Variants in PIK3C2A observed in about 807,000 individuals in gnomAD.
PIK3C2A encodes phosphatidylinositol 4-phosphate 3-kinase C2 domain-containing subunit alpha.
Under a neutral mutation model 204.5 loss-of-function variants are expected in PIK3C2A, and 97 were observed. The observed-to-expected ratio is 0.47, with a 90% CI of 0.40 to 0.56. PIK3C2A has a LOEUF of 0.56. Among genes scored for constraint, PIK3C2A ranks in the 20% least tolerant of loss-of-function variants. The pLI is 0.00. For synonymous variants in PIK3C2A, 653 were observed against 664.4 expected, an observed-to-expected ratio of 0.98 and a Z score of 0.26; for missense variants, 1,735 against 1,969.2, an observed-to-expected ratio of 0.88 and a Z score of 2.25.
chr11:17,190,938 C>G (rs1028289883), intron 1 of PIK3C2A, among the ~76,000 whole-genome samples: 1 of 151,982 alleles, frequency 6.6e-6, no homozygotes, highest in Non-Finnish European at 1.5e-5. Flanking sequence ...AGGAAATGGC[C>G]AGAACTTTCC....
intron 5 of PIK3C2A, among the ~76,000 whole-genome samples, chr11:17,147,913 A>G (rs917664450): frequency 5.9e-5 from 9 of 152,150 alleles, no homozygotes; most frequent in African/African-American, 1.7e-4. Context: ...ACTGGACTAA[A>G]TGCTAGATAT....
intron 2 of PIK3C2A, among the ~76,000 whole-genome samples, chr11:17,160,985 C>T (rs1182595495): frequency 6.6e-6 from 1 of 152,068 alleles, no homozygotes; most frequent in African/African-American, 2.4e-5. Flanking sequence ...GAGCAGTTCA[C>T]ACATGGATGG....
rs566182310 is a variant in PIK3C2A, at chr11:17,137,198, C to T, written c.1705-573G>A. On this transcript the variant is annotated intron_variant, in intron 8 of 32. Transcript: ENST00000691414. ...CCCCTTAAAAATTTAAATTTTTCCA[C>T]CCTTGAGGCTTGGCTACTATAAACC... Among the ~76,000 whole-genome samples the T allele has an allele frequency of 8.2e-3, 1,254 of 152,216 alleles. 15 individuals carry two copies. The highest frequency in any genetic ancestry group is 0.014 in the Middle Eastern group (4 of 294).
At chr11:17,091,257 T>C (rs1476176529) in intron 32 of PIK3C2A, 77 bp downstream of exon 32, 1 of 1,313,200 alleles carries the variant, frequency 7.6e-7, no homozygotes, top group Non-Finnish European at 1.1e-6. Flanking sequence ...ACATCCTGCT[T>C]ACGCACGTCA....
intron 27 of PIK3C2A, 26 bp downstream of exon 27, chr11:17,097,031 T>C (rs1291363072): frequency 7.6e-7 from 1 of 1,310,054 alleles, no homozygotes; most frequent in South Asian, 1.2e-5. Context: ...TGCATGATTG[T>C]TTATGAATAT....
intron 2 of PIK3C2A, among the ~76,000 whole-genome samples, chr11:17,163,079 G>A (rs138261917): frequency 6.6e-6 from 1 of 152,278 alleles, no homozygotes; most frequent in African/African-American, 2.4e-5. Flanking sequence ...ACTGAGGCGG[G>A]TGGATCACTT....
chr11:17,177,979 G>A (rs1348946257), intron 1 of PIK3C2A, among the ~76,000 whole-genome samples: 1 of 150,436 alleles, frequency 6.6e-6, no homozygotes, highest in Non-Finnish European at 1.5e-5. Flanking sequence ...TGTAATCTCA[G>A]CTACTCCCAA....
intron 8 of PIK3C2A, among the ~76,000 whole-genome samples, chr11:17,140,081 C>T (rs1850010880): frequency 6.6e-6 from 1 of 152,094 alleles, no homozygotes; most frequent in Admixed American, 6.6e-5. Flanking sequence ...AATTAACATC[C>T]TATCTTCAGA....
chr11:17,129,510 T>A, intron 12 of PIK3C2A, 43 bp from the exon 13 acceptor site: 1 of 1,297,010 alleles, frequency 7.7e-7, no homozygotes, highest in Non-Finnish European at 1.1e-6. Context: ...TTAGATTGAA[T>A]GATTTTGAAA....
chr11:17,176,856 T>C (rs1851355553), intron 1 of PIK3C2A, among the ~76,000 whole-genome samples: 1 of 152,142 alleles, frequency 6.6e-6, no homozygotes, highest in African/African-American at 2.4e-5. Flanking sequence ...AAGTATCTGA[T>C]AAAACTGCAG....
Position 17,091,986 on chromosome 11 carries a change from A to T in PIK3C2A, c.4642+10T>A. The T allele has an allele frequency of 6.3e-7, 1 of 1,574,946 alleles. No homozygotes were observed. The highest frequency in any genetic ancestry group is 1.1e-5 in the South Asian group (1 of 90,234). The stretch of plus-strand genomic sequence containing the variant: ...TGAGTTACCAATAAAGAGAAAAAAA[A>T]TAATCTCACCTGCAGACCTAGCTAT... On this transcript the variant is annotated intron_variant, in intron 30 of 32. Transcript: ENST00000691414.
chr11:17,168,647 G>A (rs1851052886), intron 2 of PIK3C2A, 30 bp downstream of exon 2: 1 of 1,331,212 alleles, frequency 7.5e-7, no homozygotes, highest in Non-Finnish European at 1.0e-6. Flanking sequence ...GTTATACTAA[G>A]TTTGAGAAGT....
At chr11:17,159,411 C>G (rs1850706641) in intron 2 of PIK3C2A, among the ~76,000 whole-genome samples, 1 of 152,202 alleles carries the variant, frequency 6.6e-6, no homozygotes, top group Non-Finnish European at 1.5e-5. Flanking sequence ...GGGGAAGATA[C>G]AAAGTTCTCT....
intron 1 of PIK3C2A, among the ~76,000 whole-genome samples, chr11:17,181,325 C>T (rs1468640405): frequency 6.9e-6 from 1 of 145,510 alleles, no homozygotes; most frequent in African/African-American, 2.6e-5. Flanking sequence ...TATCTAAGAG[C>T]CCCCAGTCAC....
chr11:17,138,726 C>T (rs1351971647), intron 8 of PIK3C2A, among the ~76,000 whole-genome samples: 4 of 152,082 alleles, frequency 2.6e-5, no homozygotes, highest in Non-Finnish European at 5.9e-5. Flanking sequence ...GCCATTAAAA[C>T]GTGAACACAG....
At chr11:17,115,372 G>GAAAAAAAAAAAAAAAAAAAAAAAAAAAA (rs58726258) in intron 19 of PIK3C2A, among the ~76,000 whole-genome samples, 1 of 84,646 alleles carries the variant, frequency 1.2e-5, no homozygotes, top group Non-Finnish European at 2.3e-5. Flanking sequence ...GTCCCTACAA[G>GAAAAAAAAAAAAAAAAAAAAAAAAAAAA]AAAAAAAAAA....
At chr11:17,170,279 T>C (rs1851115152) in intron 1 of PIK3C2A, among the ~76,000 whole-genome samples, 1 of 152,180 alleles carries the variant, frequency 6.6e-6, no homozygotes, top group African/African-American at 2.4e-5. Flanking sequence ...AAACATCCAA[T>C]ACCTAGTCAA....
intron 27 of PIK3C2A, among the ~76,000 whole-genome samples, chr11:17,096,228 G>A (rs1309959975): frequency 1.3e-5 from 2 of 149,418 alleles, no homozygotes; most frequent in African/African-American, 5.0e-5. Context: ...TATTAGAGAC[G>A]GGGTTTCACC....
intron 1 of PIK3C2A, among the ~76,000 whole-genome samples, chr11:17,178,114 A>AAAAAAAAAAAAAAAAAAG (rs1565294473): frequency 2.7e-5 from 2 of 73,236 alleles, no homozygotes; most frequent in Non-Finnish European, 5.9e-5. Flanking sequence ...AAAAAAAAAG[A>AAAAAAAAAAAAAAAAAAG]AAAAAAAAAT....
Sources: allele counts gnomAD v4.1 joint callset (sites outside exome capture counted in the v4.1 genomes callset), GRCh38; gene constraint gnomAD v4.1.1; transcripts MANE v1.5; gene names NCBI Gene and HGNC (gene_info 2026-07-23, HGNC 2026-07-21).